TRAF3IP2: variants seen among roughly 807,000 people sequenced by gnomAD.
The protein encoded by TRAF3IP2 is TRAF3 interacting protein 2.
Under a neutral mutation model 57.9 loss-of-function variants are expected in TRAF3IP2, and 35 were observed. That is an observed-to-expected ratio of 0.60 (90% CI 0.46 to 0.80). The LOEUF is 0.80. Ranked by LOEUF, TRAF3IP2 falls within the 30% of genes least tolerant of loss-of-function variation. TRAF3IP2 has a pLI of 0.00. For synonymous variants in TRAF3IP2, 251 were observed against 268.9 expected (o/e 0.93, Z 0.65); for missense variants, 556 against 706.4 (o/e 0.79, Z 2.41).
chr6:111,574,395 T>C (rs535097680), intron 4 of TRAF3IP2, among the ~76,000 whole-genome samples: 1 of 152,232 alleles, frequency 6.6e-6, no homozygotes, highest in African/African-American at 2.4e-5. Flanking sequence ...GTAGTGGCTG[T>C]TTTCTTAAGA....
intron 2 of TRAF3IP2, among the ~76,000 whole-genome samples, chr6:111,589,458 C>T (rs896550813): frequency 6.6e-6 from 1 of 152,224 alleles, no homozygotes; most frequent in African/African-American, 2.4e-5. Flanking sequence ...CTGGCAATCA[C>T]TGAGAAATAC....
intron 7 of TRAF3IP2, among the ~76,000 whole-genome samples, chr6:111,565,628 G>T (rs756613201): frequency 6.6e-6 from 1 of 152,136 alleles, no homozygotes; most frequent in African/African-American, 2.4e-5. Flanking sequence ...GTCTCACAGC[G>T]TCTCTATAAT....
At chr6:111,561,628 G>A (rs979181954) in intron 8 of TRAF3IP2, among the ~76,000 whole-genome samples, 4 of 152,110 alleles carry the variant, frequency 2.6e-5, no homozygotes, top group African/African-American at 9.7e-5. Flanking sequence ...GGTGACCAGA[G>A]CACACAGCAT....
At position 111,559,442 on chromosome 6, in the gene TRAF3IP2, C is replaced by T. The variant is rs1467539516; in HGVS notation, c.1661G>A (p.Arg554Gln). ...LREEEYVAPP[R>Q]GPLPTLQVVP... ...CACCTGAAGGGTGGGCAGAGGCCCC[C>T]GTGGAGGAGCCACATACTCTTCCTC... The change falls in exon 9 of 9, where the codon CGG becomes CAG. Residue 554 changes from arginine (R) to glutamine (Q), a missense_variant. Transcript: ENST00000368761. 5 of 1,613,942 alleles carry T rather than the reference C, an allele frequency of 3.1e-6. No individual in the cohort carries two copies. The highest frequency in any genetic ancestry group is 1.3e-5 in the African/African-American group (1 of 74,952).
Position 111,556,985 on chromosome 6 carries a change from A to C in TRAF3IP2, c.*2420T>G, listed in dbSNP as rs1373058738. 6.6e-6 allele frequency: 1 copy of C among 152,158 alleles called. No homozygotes were observed. Among genetic ancestry groups the C allele is most frequent in the Non-Finnish European group, 1.5e-5 (1 of 68,074 alleles). 9.4% of individuals were successfully genotyped at this position (152,158 alleles called of 1,614,324 possible). On this transcript the variant is annotated 3_prime_UTR_variant, in exon 9 of 9. Coordinates refer to ENST00000368761, the MANE Select transcript of TRAF3IP2 (RefSeq NM_147686.4). ...CTACAAAAAATACAAAAATTAACCAAGCATGTTGGTGCACACCTATAGTCC... is the reference window on the plus strand; with the variant it reads ...CTACAAAAAATACAAAAATTAACCACGCATGTTGGTGCACACCTATAGTCC...
At chr6:111,599,587 CAACT>C (rs1796804075) in intron 1 of TRAF3IP2, among the ~76,000 whole-genome samples, 2 of 152,174 alleles carry the variant, frequency 1.3e-5, no homozygotes. Context: ...GAGCTGCCTC[CAACT>C]GTTTGCTCAT....
intron 7 of TRAF3IP2, chr6:111,565,268 T>C (rs887825946): frequency 1.3e-5 from 2 of 152,138 alleles, no homozygotes; most frequent in Non-Finnish European, 2.9e-5. Flanking sequence ...GGGACCTACA[T>C]CTGCTTCCCC....
At chr6:111,560,456 G>A (rs760393836) in intron 8 of TRAF3IP2, among the ~76,000 whole-genome samples, 11 of 152,200 alleles carry the variant, frequency 7.2e-5, no homozygotes, top group Non-Finnish European at 1.3e-4. Flanking sequence ...TTGCTTTTGA[G>A]TCTAACTCCT....
In TRAF3IP2 at chr6:111,591,184, G is replaced by A. The variant is rs914017921; in HGVS notation, c.829+74C>T. On this transcript the variant is annotated intron_variant, in intron 2 of 8. Coordinates refer to ENST00000368761, the MANE Select transcript of TRAF3IP2 (RefSeq NM_147686.4). The surrounding 1 kb of genome is among the most constrained non-coding windows in gnomAD (Gnocchi z 4.9). ...CCTGTTCATGCCAGCCTAGTGACAC[G>A]AAGCATTGATGTGAGGCCCTTGTTT... The A allele has an allele frequency of 3.1e-5, 37 of 1,210,478 alleles. No homozygotes were observed. The highest frequency in any genetic ancestry group is 3.9e-5 in the Non-Finnish European group (35 of 890,036). The allele number at this position is 1,210,478 out of a possible 1,614,324, so 75.0% of individuals were successfully genotyped here.
At chr6:111,573,718 A>G (rs960051850) in intron 4 of TRAF3IP2, 1 of 152,226 alleles carries the variant, frequency 6.6e-6, no homozygotes, top group Non-Finnish European at 1.5e-5. Flanking sequence ...AGGATGAACC[A>G]GTGTTTTCTC....
chr6:111,555,931 G>A lies in TRAF3IP2; in HGVS notation c.*3474C>T, dbSNP rs1327888975. 4.0e-5 allele frequency among the ~76,000 whole-genome samples: 6 copies of A among 151,846 alleles called. No homozygotes were observed. The highest frequency in any genetic ancestry group is 5.9e-5 in the Non-Finnish European group (4 of 67,976). Reference sequence around the variant, plus strand: ...ATCCTGGCTAACACGGTGAAACCCCGTCTCTACTAAAAATACAAAAAATTA... The same window carrying A: ...ATCCTGGCTAACACGGTGAAACCCCATCTCTACTAAAAATACAAAAAATTA... On this transcript the variant is annotated 3_prime_UTR_variant, in exon 9 of 9. Coordinates refer to ENST00000368761, the MANE Select transcript of TRAF3IP2 (RefSeq NM_147686.4).
intron 8 of TRAF3IP2, among the ~76,000 whole-genome samples, chr6:111,562,521 T>C (rs1219895244): frequency 1.3e-5 from 2 of 152,172 alleles, no homozygotes; most frequent in Non-Finnish European, 2.9e-5. Flanking sequence ...TGTTGATCTT[T>C]CTGGTAACAT....
At chr6:111,574,303 C>T (rs1795914430) in intron 4 of TRAF3IP2, among the ~76,000 whole-genome samples, 2 of 152,204 alleles carry the variant, frequency 1.3e-5, no homozygotes, top group African/African-American at 4.8e-5. Context: ...AGGTTTGGTT[C>T]AAAGAGGTTC....
At chr6:111,575,879 G>A in intron 3 of TRAF3IP2, 58 bp from the exon 4 acceptor site, 2 of 1,513,482 alleles carry the variant, frequency 1.3e-6, no homozygotes, top group Non-Finnish European at 1.8e-6. Context: ...AACCTTCAGG[G>A]ACAGAAAGAC....
intron 8 of TRAF3IP2, 95 bp from the exon 9 acceptor site, chr6:111,559,646 A>C: frequency 1.4e-6 from 2 of 1,419,430 alleles, no homozygotes; most frequent in African/African-American, 1.4e-5. Flanking sequence ...GGCTTTCCCT[A>C]CATGGGCGTT....
chr6:111,562,951 C>G lies in TRAF3IP2; in HGVS notation c.1551+14G>C, dbSNP rs201855498. ...AGATTGAATTATGAGGATTTTGTTT[C>G]TTTGTTTGTTTACCTTCTTAGCATT... On this transcript the variant is annotated intron_variant, in intron 8 of 8. Transcript: ENST00000368761. The G allele has an allele frequency of 3.6e-5, 58 of 1,591,730 alleles. No individual in the cohort carries two copies. Among genetic ancestry groups the G allele is most frequent in the South Asian group, 1.7e-4 (15 of 89,756 alleles).
intron 1 of TRAF3IP2, among the ~76,000 whole-genome samples, chr6:111,592,727 G>A (rs1001704938): frequency 1.6e-4 from 25 of 152,012 alleles, no homozygotes; most frequent in African/African-American, 5.8e-4. Context: ...TGTTCCATTT[G>A]ACTATTTCCT....
intron 6 of TRAF3IP2, chr6:111,567,334 C>CT: frequency 8.7e-7 from 1 of 1,143,948 alleles, no homozygotes; most frequent in Non-Finnish European, 1.1e-6. Flanking sequence ...TCTCCCCACT[C>CT]TCCGCCTTCA....
At chr6:111,578,076 G>C (rs754891760) in intron 3 of TRAF3IP2, among the ~76,000 whole-genome samples, 9 of 152,122 alleles carry the variant, frequency 5.9e-5, no homozygotes, top group Non-Finnish European at 1.2e-4. Flanking sequence ...AAGAAGATCA[G>C]AACAGGCTTA....
Sources: allele counts gnomAD v4.1 joint callset (sites outside exome capture counted in the v4.1 genomes callset), GRCh38; gene constraint gnomAD v4.1.1; non-coding constraint Gnocchi (gnomAD v3.1); transcripts MANE v1.5; gene names NCBI Gene and HGNC (gene_info 2026-07-23, HGNC 2026-07-21).